Variants in CLASP2 observed in about 807,000 individuals in gnomAD.
CLASP2 encodes cytoplasmic linker associated protein 2.
In CLASP2, 47 loss-of-function variants were observed where a neutral mutation model predicts 194.4. The observed-to-expected ratio is 0.24, with a 90% CI of 0.19 to 0.31. The LOEUF (loss-of-function observed/expected upper bound fraction) is 0.31, where lower values mean the gene tolerates loss of function less well. Among genes scored for constraint, CLASP2 ranks in the 10% least tolerant of loss-of-function variants. The probability of loss-of-function intolerance (pLI) is 1.00; values close to 1 mark genes in which losing one functional copy is unlikely to be tolerated. For synonymous variants in CLASP2, 619 were observed against 633.5 expected (o/e 0.98, Z 0.34); for missense variants, 1,445 against 1,823.6 (o/e 0.79, Z 3.78).
intron 30 of CLASP2, among the ~76,000 whole-genome samples, chr3:33,549,901 A>AT (rs891281696): frequency 1.5e-4 from 23 of 150,822 alleles, no homozygotes; most frequent in South Asian, 6.3e-4. Context: ...AATGCACCCA[A>AT]TTTTTTTTTA....
intron 37 of CLASP2, chr3:33,505,147 T>C (rs1035394947): frequency 6.6e-6 from 1 of 152,062 alleles, no homozygotes; most frequent in Non-Finnish European, 1.5e-5. Flanking sequence ...TAGACTCCAC[T>C]TAGGAAGCCA....
At chr3:33,579,530 T>C (rs945082603) in intron 23 of CLASP2, among the ~76,000 whole-genome samples, 1 of 152,212 alleles carries the variant, frequency 6.6e-6, no homozygotes, top group Non-Finnish European at 1.5e-5. Context: ...TCCTTCCCAC[T>C]GAAGTGTAAT....
At chr3:33,618,438 G>T (rs1221610289) in intron 12 of CLASP2, among the ~76,000 whole-genome samples, 1 of 151,850 alleles carries the variant, frequency 6.6e-6, no homozygotes, top group Admixed American at 6.6e-5. Context: ...TGAAGCCAGG[G>T]GTTTGAGACC....
At chr3:33,682,610 A>G (rs1326460524) in intron 6 of CLASP2, among the ~76,000 whole-genome samples, 1 of 152,226 alleles carries the variant, frequency 6.6e-6, no homozygotes. Flanking sequence ...TAATAAAAGT[A>G]TATAAACTGA....
chr3:33,683,203 AT>A (rs1292966019), intron 6 of CLASP2: 2 of 152,266 alleles, frequency 1.3e-5, no homozygotes, highest in African/African-American at 2.4e-5. Context: ...ATAATGGTAC[AT>A]AATTACATAC....
At chr3:33,662,800 T>G (rs1224149712) in intron 7 of CLASP2, among the ~76,000 whole-genome samples, 1 of 152,134 alleles carries the variant, frequency 6.6e-6, no homozygotes, top group Non-Finnish European at 1.5e-5. Flanking sequence ...TATGGCTAAT[T>G]AATATTTAAA....
intron 8 of CLASP2, among the ~76,000 whole-genome samples, chr3:33,641,759 T>C (rs1262561655): frequency 1.3e-5 from 2 of 149,804 alleles, no homozygotes; most frequent in Non-Finnish European, 3.0e-5. Context: ...TGTATTTTTT[T>C]TTTTTTATTT....
intron 1 of CLASP2, among the ~76,000 whole-genome samples, chr3:33,709,327 GC>G (rs1216866325): frequency 1.3e-5 from 2 of 151,942 alleles, no homozygotes; most frequent in African/African-American, 4.8e-5. Context: ...TCATTCTTTT[GC>G]ATGTGGATAT....
intron 21 of CLASP2, among the ~76,000 whole-genome samples, chr3:33,589,420 A>T (rs956054336): frequency 6.6e-6 from 1 of 152,118 alleles, no homozygotes; most frequent in Non-Finnish European, 1.5e-5. Context: ...GCAAGCCCTA[A>T]TGAATTACTT....
intron 7 of CLASP2, among the ~76,000 whole-genome samples, chr3:33,656,774 C>T (rs369512279): frequency 6.6e-6 from 1 of 151,226 alleles, no homozygotes; most frequent in African/African-American, 2.4e-5. Flanking sequence ...TTATAGAATA[C>T]TATGCAACCG....
At chr3:33,506,744 C>T (rs1219014567) in intron 37 of CLASP2, among the ~76,000 whole-genome samples, 1 of 152,094 alleles carries the variant, frequency 6.6e-6, no homozygotes, top group Non-Finnish European at 1.5e-5. Context: ...ATTAAAAATA[C>T]TCTTCTTCCC....
chr3:33,575,094 G>A (rs997690330), intron 24 of CLASP2, among the ~76,000 whole-genome samples: 8 of 152,134 alleles, frequency 5.3e-5, no homozygotes, highest in African/African-American at 1.9e-4. Flanking sequence ...ATACAGGGAT[G>A]AGGAATAGCA....
At chr3:33,711,360 C>T (rs1207877175) in intron 1 of CLASP2, among the ~76,000 whole-genome samples, 1 of 151,648 alleles carries the variant, frequency 6.6e-6, no homozygotes, top group Non-Finnish European at 1.5e-5. Context: ...ATCCTCCTAC[C>T]TCAGCCTCCC....
At chr3:33,714,795 A>T (rs886475126) in intron 1 of CLASP2, among the ~76,000 whole-genome samples, 1 of 152,052 alleles carries the variant, frequency 6.6e-6, no homozygotes, top group African/African-American at 2.4e-5. Context: ...GGCTGGTCTC[A>T]AACTCCTGGC....
intron 12 of CLASP2, among the ~76,000 whole-genome samples, chr3:33,617,078 C>T (rs1337151755): frequency 7.2e-6 from 1 of 138,908 alleles, no homozygotes; most frequent in Admixed American, 7.4e-5. Context: ...AGGTTGTCTA[C>T]AATCTTAAAA....
chr3:33,671,234 A>G (rs1424394725), intron 6 of CLASP2, among the ~76,000 whole-genome samples: 1 of 152,206 alleles, frequency 6.6e-6, no homozygotes, highest in Non-Finnish European at 1.5e-5. Context: ...ACCTACTCAC[A>G]GGACTACAGA....
chr3:33,614,877 G>A (rs548770035), intron 12 of CLASP2, among the ~76,000 whole-genome samples: 1 of 152,118 alleles, frequency 6.6e-6, no homozygotes, highest in Non-Finnish European at 1.5e-5. Flanking sequence ...TGAAAGCCCA[G>A]CTACTTGGGA....
chr3:33,584,694 G>GAA (rs367641282), intron 22 of CLASP2, 56 bp downstream of exon 22: 3,455 of 1,026,952 alleles, frequency 3.4e-3, no homozygotes, highest in South Asian at 6.2e-3. Context: ...GCCAAAGCCT[G>GAA]AAAAAAAAAA....
intron 8 of CLASP2, among the ~76,000 whole-genome samples, chr3:33,634,896 C>T (rs184328079): frequency 5.9e-4 from 89 of 151,996 alleles, no homozygotes; most frequent in African/African-American, 2.0e-3. Context: ...GCACTAGCAA[C>T]GAAGTTAGAA....
Sources: allele counts gnomAD v4.1 joint callset (sites outside exome capture counted in the v4.1 genomes callset), GRCh38; gene constraint gnomAD v4.1.1; transcripts MANE v1.5; gene names NCBI Gene and HGNC (gene_info 2026-07-23, HGNC 2026-07-21).